The following SMC2 variants were observed in gnomAD, a reference collection of about 807,000 sequenced individuals.
SMC2 encodes structural maintenance of chromosomes protein 2.
SMC2 carries 41 observed loss-of-function variants against 142.6 expected under a neutral mutation model. The ratio of observed to expected loss-of-function variants is 0.29; its 90% CI spans 0.22 to 0.37. The LOEUF is 0.37. SMC2 is among the 10% of genes least tolerant of loss of function. The pLI is 1.00. For missense variants in SMC2, 1,265 were observed against 1,373.7 expected (o/e 0.92, Z 1.25); for synonymous variants, 463 against 457.5 (o/e 1.01, Z -0.15).
intron 4 of SMC2, among the ~76,000 whole-genome samples, chr9:104,098,952 G>C (rs765353331): frequency 6.6e-6 from 1 of 151,992 alleles, no homozygotes; most frequent in Non-Finnish European, 1.5e-5. Context: ...GAGGAGTAAA[G>C]GCTGATTTTA....
rs1203845006 is a variant in SMC2, at chr9:104,116,340, T to C, written c.1791+21T>C. 10 of 1,587,350 alleles carry C rather than the reference T, an allele frequency of 6.3e-6. No homozygotes were observed. The African/African-American group carries it at 6.8e-5, about 11-fold the overall frequency. ...ATCTTGTAAGTCTCATTTTGTCTTA[T>C]TTATATGTTTAATCGTCATCTGTGG... On this transcript the variant is annotated intron_variant, in intron 14 of 24. Transcript: ENST00000374793.
intron 4 of SMC2, 24 bp from the exon 5 acceptor site, chr9:104,099,620 G>C (rs1479118311): frequency 6.8e-7 from 1 of 1,468,724 alleles, no homozygotes; most frequent in African/African-American, 1.4e-5. Context: ...TGTTATCTTA[G>C]TAAGTTTGCT....
At chr9:104,138,607 T>C (rs981145884) in intron 24 of SMC2, among the ~76,000 whole-genome samples, 1 of 152,162 alleles carries the variant, frequency 6.6e-6, no homozygotes, top group African/African-American at 2.4e-5. Context: ...GAACAGTTTG[T>C]TTTTAATGCA....
Position 104,095,328 on chromosome 9 carries a change from GGTTTGTGGCCT to G in SMC2, c.-51_-41del. ...TGGTATTTCTGTTTCGTACAGAACT[GGTTTGTGGCCT>G]GTTTGATTCCTGTCAGAGGTTTGCT... On this transcript the variant is annotated 5_prime_UTR_variant, in exon 2 of 25. Transcript: ENST00000374793. The G allele has an allele frequency of 1.4e-6, 2 of 1,429,474 alleles. No individual in the cohort carries two copies. Among genetic ancestry groups the G allele is most frequent in the Non-Finnish European group, 9.8e-7 (1 of 1,024,104 alleles). The allele number at this position is 1,429,474 out of a possible 1,614,324, so 88.5% of individuals were successfully genotyped here. A position where few individuals can be genotyped will look rare whatever the true frequency, so the allele number is the denominator to read the frequency against.
chr9:104,100,539 TGCGA>T, intron 7 of SMC2, 106 bp downstream of exon 7: 1 of 720,658 alleles, frequency 1.4e-6, no homozygotes, highest in South Asian at 1.8e-5. Flanking sequence ...GTTTTTTTCC[TGCGA>T]TGAGATAAGG....
At position 104,139,413 on chromosome 9, in the gene SMC2, C is replaced by T; in HGVS notation, c.*98C>T. The T allele has an allele frequency of 1.1e-6, 1 of 948,522 alleles. No homozygotes were observed. The highest frequency in any genetic ancestry group is 1.5e-6 in the Non-Finnish European group (1 of 646,178). The allele number at this position is 948,522 out of a possible 1,614,324, so 58.8% of individuals were successfully genotyped here. ...TGTTTATATACAAAAATTAATGTTA[C>T]TGTGTTACTTAACCCATGTTTTCTC... On this transcript the variant is annotated 3_prime_UTR_variant, in exon 25 of 25. Coordinates refer to ENST00000374793, the MANE Select transcript of SMC2 (RefSeq NM_006444.3).
chr9:104,134,538 TG>T lies in SMC2; in HGVS notation c.3234del (p.Trp1078Ter). On this transcript the variant is annotated frameshift_variant, in exon 23 of 25. Coordinates refer to ENST00000374793, the MANE Select transcript of SMC2 (RefSeq NM_006444.3). LOFTEE classifies it high-confidence loss of function. ...LEFKVALGNTWKENLTELSGG... is the reference protein window; with the variant it reads ...LEFKVALGNTXKENLTELSGG... ...GTTCAAGGTTGCCTTGGGAAATACC[TG>T]GAAAGAAAACCTAACTGAACTTAGT... The T allele has an allele frequency of 6.2e-7, 1 of 1,610,822 alleles. No individual in the cohort carries two copies.
In SMC2 at chr9:104,114,701, A is replaced by G. The variant is rs1457471933; in HGVS notation, c.1543A>G (p.Lys515Glu). 2 of 1,610,348 alleles carry G rather than the reference A, an allele frequency of 1.2e-6. No individual in the cohort carries two copies. Among genetic ancestry groups the G allele is most frequent in the East Asian group, 2.2e-5 (1 of 44,800 alleles). The change falls in exon 13 of 25, where the codon AAG (lysine) becomes GAG (glutamate). Residue 515 changes from lysine to glutamate, a missense_variant. Transcript: ENST00000374793. ...ACTTTTGTATTTCAGGGATCCAGAGAAGAACTGGAATAGAAATTGTGTGAA... is the reference window on the plus strand; with the variant it reads ...ACTTTTGTATTTCAGGGATCCAGAGGAGAACTGGAATAGAAATTGTGTGAA... Reference protein sequence around the residue: ...NLRFAYKDPEKNWNRNCVKGL... With the variant: ...NLRFAYKDPEENWNRNCVKGL...
intron 16 of SMC2, among the ~76,000 whole-genome samples, chr9:104,122,473 T>G (rs1383602549): frequency 6.6e-6 from 1 of 151,802 alleles, no homozygotes; most frequent in East Asian, 1.9e-4. Context: ...AAGTTTTGTT[T>G]TTTTTTTTTC....
At chr9:104,090,536 T>C (rs1829971156), upstream of SMC2, among the ~76,000 whole-genome samples, 1 of 152,158 alleles carries the variant, frequency 6.6e-6, no homozygotes, top group South Asian at 2.1e-4. Context: ...ATAAGGTACC[T>C]ATGAGAAATC....
At chr9:104,090,497 G>A (rs1204162197), upstream of SMC2, among the ~76,000 whole-genome samples, 1 of 152,076 alleles carries the variant, frequency 6.6e-6, no homozygotes, top group Non-Finnish European at 1.5e-5. Flanking sequence ...TGTTCTTTGG[G>A]GCTTTGGATA....
At chr9:104,110,588 T>G (rs1052970942) in intron 9 of SMC2, among the ~76,000 whole-genome samples, 2 of 116,386 alleles carry the variant, frequency 1.7e-5, no homozygotes, top group African/African-American at 7.1e-5. Flanking sequence ...CTCCCATGTT[T>G]AAGGATCAAC....
rs751854380 is a variant in SMC2, at chr9:104,139,320, CAA to C, written c.*7_*8del. On this transcript the variant is annotated 3_prime_UTR_variant, in exon 25 of 25. Coordinates refer to ENST00000374793, the MANE Select transcript of SMC2 (RefSeq NM_006444.3). Reference sequence around the variant, plus strand: ...GGAGCACATGTGGAAGTTTAAACTACAAAGTTATTTCTTCATCTTGACCTGTT... The same window carrying C: ...GGAGCACATGTGGAAGTTTAAACTACAGTTATTTCTTCATCTTGACCTGTT... The C allele has an allele frequency of 1.9e-6, 3 of 1,564,738 alleles. No homozygotes were observed. The highest frequency in any genetic ancestry group is 2.4e-5 in the East Asian group (1 of 42,246).
At chr9:104,124,446 G>C (rs531546738) in intron 17 of SMC2, among the ~76,000 whole-genome samples, 8 of 152,058 alleles carry the variant, frequency 5.3e-5, no homozygotes, top group Non-Finnish European at 7.4e-5. Context: ...CAGGCATACT[G>C]TCATATTATT....
intron 9 of SMC2, 53 bp downstream of exon 9, chr9:104,102,626 CATT>C (rs1831294017): frequency 8.1e-6 from 12 of 1,487,062 alleles, no homozygotes; most frequent in South Asian, 1.3e-5. Flanking sequence ...TATATAGTCT[CATT>C]AGTGTACATT....
chr9:104,100,562 TTG>T, intron 7 of SMC2, 129 bp downstream of exon 7: 2 of 608,406 alleles, frequency 3.3e-6, no homozygotes, highest in Non-Finnish European at 5.8e-6. Flanking sequence ...GGAATTAGAG[TTG>T]GCACTCCATA....
At position 104,102,188 on chromosome 9, in the gene SMC2, G is replaced by T. The variant is rs752276825; in HGVS notation, c.865G>T (p.Asp289Tyr). 2.0e-6 allele frequency: 3 copies of T among 1,509,658 alleles called. No individual in the cohort carries two copies. The highest frequency in any genetic ancestry group is 2.3e-5 in the East Asian group (1 of 44,296). The allele number at this position is 1,509,658 out of a possible 1,614,324, so 93.5% of individuals were successfully genotyped here. A position where few individuals can be genotyped will look rare whatever the true frequency, so the allele number is the denominator to read the frequency against. Residue 289 changes from aspartate (D) to tyrosine (Y), a missense_variant, in exon 8 of 25, where the codon GAT becomes TAT. Physicochemically the swap from Asp to Tyr is radical, Grantham distance 160. Around this residue, in one of 4 missense-constraint regions of SMC2, gnomAD observed 898 missense variants for 904.2 expected, o/e 0.99. Transcript: ENST00000374793. ...HEIEELEKRK[D>Y]KETGGILRSL... ...AATAGAAGAATTGGAAAAAAGAAAA[G>T]ATAAGGTCTGAACATATGTATAAGA...
chr9:104,110,016 G>T (rs994338872), intron 9 of SMC2, among the ~76,000 whole-genome samples: 1 of 152,128 alleles, frequency 6.6e-6, no homozygotes, highest in Non-Finnish European at 1.5e-5. Context: ...TTGCTATTGT[G>T]GTGAGCTCAA....
intron 17 of SMC2, among the ~76,000 whole-genome samples, chr9:104,124,016 G>GGTTAT (rs1011874117): frequency 3.9e-5 from 6 of 152,306 alleles, no homozygotes; most frequent in African/African-American, 1.4e-4. Flanking sequence ...TGACTTCCAA[G>GGTTAT]GTTATGTTTG....
Sources: allele counts gnomAD v4.1 joint callset (sites outside exome capture counted in the v4.1 genomes callset), GRCh38; gene constraint gnomAD v4.1.1; regional missense constraint gnomAD v4.1.1; transcripts MANE v1.5; gene names NCBI Gene and HGNC (gene_info 2026-07-23, HGNC 2026-07-21).